Variants in RBFOX1 observed in about 807,000 individuals in gnomAD.
RBFOX1 encodes RNA binding protein fox-1 homolog 1.
In RBFOX1, 8 loss-of-function variants were observed where a neutral mutation model predicts 57.7. The observed-to-expected ratio is 0.14, with a 90% confidence interval of 0.08 to 0.25. The LOEUF (loss-of-function observed/expected upper bound fraction) is 0.25, where lower values mean the gene tolerates loss of function less well. Among genes scored for constraint, RBFOX1 ranks in the 10% least tolerant of loss-of-function variants. RBFOX1 has a pLI of 1.00. For synonymous variants in RBFOX1, 326 were observed against 222.4 expected (o/e 1.47, Z -4.15); for missense variants, 611 against 548.5 (o/e 1.11, Z -1.14).
At chr16:6,770,874 A>C (rs1472794250) in intron 3 of RBFOX1, among the ~76,000 whole-genome samples, 1 of 152,182 alleles carries the variant, frequency 6.6e-6, no homozygotes, top group Non-Finnish European at 1.5e-5. Flanking sequence ...GGATAATGCA[A>C]CACAGTTGTC....
At chr16:6,618,300 T>A (rs1236198390) in intron 2 of RBFOX1, among the ~76,000 whole-genome samples, 1 of 152,202 alleles carries the variant, frequency 6.6e-6, no homozygotes, top group African/African-American at 2.4e-5. Flanking sequence ...TTGTAATAGA[T>A]GACATTGACT....
chr16:6,782,194 A>G (rs1045966722), intron 3 of RBFOX1, among the ~76,000 whole-genome samples: 1 of 152,152 alleles, frequency 6.6e-6, no homozygotes, highest in Non-Finnish European at 1.5e-5. Flanking sequence ...TTCAGTAGAT[A>G]CAGGGTTTCG....
intron 3 of RBFOX1, among the ~76,000 whole-genome samples, chr16:5,641,449 G>C (rs147000465): frequency 2.0e-5 from 3 of 152,370 alleles, no homozygotes; most frequent in Non-Finnish European, 4.4e-5. Context: ...GGGAGAAAGA[G>C]TGATGGGAAG....
intron 4 of RBFOX1, among the ~76,000 whole-genome samples, chr16:5,895,507 G>C (rs1020151928): frequency 2.6e-5 from 4 of 152,214 alleles, no homozygotes; most frequent in Non-Finnish European, 4.4e-5. Context: ...AGGACTCTGC[G>C]TTTTCATTCG....
intron 2 of RBFOX1, among the ~76,000 whole-genome samples, chr16:6,636,459 C>T (rs765471555): frequency 9.9e-5 from 15 of 151,960 alleles, no homozygotes; most frequent in South Asian, 4.2e-4. Flanking sequence ...CGTGAGCCAC[C>T]GCACCCGGCT....
rs538875230 is a variant in RBFOX1, at chr16:5,731,199, G to T, written c.318+132238G>T. 2.9e-4 allele frequency among the ~76,000 whole-genome samples: 44 copies of T among 150,982 alleles called. No individual in the cohort carries two copies. In the Middle Eastern group the frequency reaches 0.014, roughly 47 times the overall value. On this transcript the variant is annotated intron_variant, in intron 3 of 19. Transcript: ENST00000641259. ...CACTGCCTTTGTCACCAGTGTCACCGTTATCATCAAGATCATCAACAACAC... is the reference window on the plus strand; with the variant it reads ...CACTGCCTTTGTCACCAGTGTCACCTTTATCATCAAGATCATCAACAACAC...
intron 4 of RBFOX1, among the ~76,000 whole-genome samples, chr16:7,052,610 C>A (rs77120272): frequency 6.6e-6 from 1 of 152,014 alleles, no homozygotes. Context: ...AATTTTAAAC[C>A]TTATATTCTG....
intron 1 of RBFOX1, among the ~76,000 whole-genome samples, chr16:6,088,356 T>G (rs1039693196): frequency 6.6e-6 from 1 of 152,198 alleles, no homozygotes; most frequent in African/African-American, 2.4e-5. Context: ...GAAGTATGAT[T>G]AGTCATGTTC....
intron 2 of RBFOX1, among the ~76,000 whole-genome samples, chr16:6,576,300 C>T (rs1231081630): frequency 6.6e-5 from 10 of 152,236 alleles, no homozygotes; most frequent in East Asian, 1.9e-4. Flanking sequence ...GCTGAGACGA[C>T]GTAGACATGC....
At chr16:7,303,988 T>A (rs2096102684) in intron 4 of RBFOX1, among the ~76,000 whole-genome samples, 1 of 151,892 alleles carries the variant, frequency 6.6e-6, no homozygotes, top group South Asian at 2.1e-4. Context: ...GGGGGGCCCC[T>A]TCCACTTTCC....
At chr16:6,479,087 TG>T (rs2095329476) in intron 2 of RBFOX1, among the ~76,000 whole-genome samples, 1 of 151,440 alleles carries the variant, frequency 6.6e-6, no homozygotes, top group Admixed American at 6.6e-5. Context: ...GAGGTATGCC[TG>T]TGTGTGTGTG....
intron 4 of RBFOX1, among the ~76,000 whole-genome samples, chr16:6,003,393 C>T (rs2060635461): frequency 2.0e-5 from 3 of 151,966 alleles, no homozygotes; most frequent in African/African-American, 7.3e-5. Flanking sequence ...GAAGGTAGCT[C>T]TTCCTCCTCT....
intron 3 of RBFOX1, among the ~76,000 whole-genome samples, chr16:6,790,101 T>C (rs1010682497): frequency 1.3e-5 from 2 of 149,492 alleles, no homozygotes; most frequent in African/African-American, 4.9e-5. Context: ...ATTGAAATTT[T>C]TCATGCTGTG....
At chr16:6,783,086 A>G (rs57572552) in intron 3 of RBFOX1, among the ~76,000 whole-genome samples, 16,797 of 151,908 alleles carry the variant, frequency 0.11, 1,228 homozygotes, top group Admixed American at 0.22. Context: ...TGCATGGCAT[A>G]TCTTTTTCTG....
At chr16:7,037,422 A>T (rs2044825592) in intron 3 of RBFOX1, among the ~76,000 whole-genome samples, 1 of 151,152 alleles carries the variant, frequency 6.6e-6, no homozygotes, top group African/African-American at 2.4e-5. Flanking sequence ...GCTTCATTTT[A>T]CCCAGCCCCT....
chr16:6,611,663 A>G (rs939977880), intron 2 of RBFOX1, among the ~76,000 whole-genome samples: 4 of 152,166 alleles, frequency 2.6e-5, no homozygotes, highest in African/African-American at 4.8e-5. Flanking sequence ...TTTGTGCTTT[A>G]TCAGAGCAAG....
intron 3 of RBFOX1, among the ~76,000 whole-genome samples, chr16:6,780,522 A>T (rs111696886): frequency 0.011 from 1,259 of 110,866 alleles, 11 homozygotes; most frequent in South Asian, 0.026. Context: ...ATATACATTT[A>T]TATATATTTA....
intron 4 of RBFOX1, among the ~76,000 whole-genome samples, chr16:7,247,386 G>A (rs145813191): frequency 3.1e-3 from 477 of 152,296 alleles, no homozygotes; most frequent in Middle Eastern, 6.8e-3. Context: ...CATGGAGGTG[G>A]AGAAGGAGCA....
At chr16:7,346,892 T>C (rs2097020549) in intron 4 of RBFOX1, among the ~76,000 whole-genome samples, 1 of 152,088 alleles carries the variant, frequency 6.6e-6, no homozygotes, top group Admixed American at 6.5e-5. Context: ...CTCAATCCTG[T>C]CTAGCTTCAA....
Sources: allele counts gnomAD v4.1 joint callset (sites outside exome capture counted in the v4.1 genomes callset), GRCh38; gene constraint gnomAD v4.1.1; transcripts MANE v1.5; gene names NCBI Gene and HGNC (gene_info 2026-07-23, HGNC 2026-07-21).